The following CACNA1D variants were observed in gnomAD, a reference collection of about 807,000 sequenced individuals.
The protein encoded by CACNA1D is calcium voltage-gated channel subunit alpha1 D, also known as voltage-dependent L-type calcium channel subunit alpha-1D.
In CACNA1D, 55 loss-of-function variants were observed where a neutral mutation model predicts 257.1. The ratio of observed to expected loss-of-function variants is 0.21; its 90% CI spans 0.17 to 0.27. The LOEUF is 0.27. CACNA1D is among the 10% of genes least tolerant of loss of function. The pLI is 1.00. For synonymous variants in CACNA1D, 980 were observed against 1,014.9 expected (o/e 0.97, Z 0.65); for missense variants, 1,876 against 2,784.0 (o/e 0.67, Z 7.34).
At chr3:53,537,549 A>C (rs560173286) in intron 3 of CACNA1D, among the ~76,000 whole-genome samples, 216 of 132,430 alleles carry the variant, frequency 1.6e-3, no homozygotes, top group African/African-American at 7.0e-3. Flanking sequence ...CTAACACATG[A>C]GAAAAAAATA....
chr3:53,685,308 T>G (rs559649471), intron 8 of CACNA1D, among the ~76,000 whole-genome samples: 1 of 152,262 alleles, frequency 6.6e-6, no homozygotes, highest in African/African-American at 2.4e-5. Context: ...AAATACAGCT[T>G]GAGAGTACAT....
rs539345919 is a variant in CACNA1D at position 53,749,362 on chromosome 3, A to G, written c.3409A>G (p.Ile1137Val). The change falls in exon 27 of 48, where the codon ATC becomes GTC. Residue 1137 changes from isoleucine (I) to valine (V), a missense_variant. Coordinates refer to ENST00000350061, the MANE Select transcript of CACNA1D (RefSeq NM_001128840.3). ...EISIFFIIYI[I>V]IVAFFMMNIF... The stretch of plus-strand genomic sequence containing the variant: ...CTCCATCTTCTTCATCATCTACATC[A>G]TCATTGTAGCTTTCTTCATGATGAA... The G allele has an allele frequency of 1.4e-5, 23 of 1,611,166 alleles. 1 individual carries two copies. In the South Asian group the frequency reaches 2.3e-4, roughly 16 times the overall value.
At chr3:53,737,235 C>T (rs541949246) in intron 20 of CACNA1D, among the ~76,000 whole-genome samples, 3 of 152,074 alleles carry the variant, frequency 2.0e-5, no homozygotes, top group East Asian at 3.9e-4. Context: ...CGCACCACTG[C>T]ACTCCAGCCT....
rs1372492511 is a variant in CACNA1D, at chr3:53,809,020, C to T, written c.5871+250C>T. 3 of 530,330 alleles carry T rather than the reference C, an allele frequency of 5.7e-6. No individual in the cohort carries two copies. In the African/African-American group the frequency reaches 5.7e-5, roughly 10 times the overall value. 32.9% of individuals were successfully genotyped at this position (530,330 alleles called of 1,614,324 possible). A position where few individuals can be genotyped will look rare whatever the true frequency, so the allele number is the denominator to read the frequency against. On this transcript the variant is annotated intron_variant, in intron 46 of 47. Coordinates refer to ENST00000350061, the MANE Select transcript of CACNA1D (RefSeq NM_001128840.3). ...AGCTGCCAAAGCTGGCCTCACTGCC[C>T]AGGTGCCTCCCTGCGATCCCCACCA...
Position 53,494,676 on chromosome 3 carries a change from G to T in CACNA1D, c.-491G>T. Reference sequence around the variant, plus strand: ...CGGGCGGGCGAGCGCCTCCGTCCCCGGATGTGAGCTCCGGCTGCCCGCGGT... The same window carrying T: ...CGGGCGGGCGAGCGCCTCCGTCCCCTGATGTGAGCTCCGGCTGCCCGCGGT... On this transcript the variant is annotated 5_prime_UTR_variant, in exon 1 of 48. Transcript: ENST00000350061. The T allele has an allele frequency of 6.8e-6, 1 of 146,384 alleles. No homozygotes were observed. The highest frequency in any genetic ancestry group is 1.8e-4 in the South Asian group (1 of 5,484). 9.1% of individuals were successfully genotyped at this position (146,384 alleles called of 1,614,324 possible). A position where few individuals can be genotyped will look rare whatever the true frequency, so the allele number is the denominator to read the frequency against.
intron 34 of CACNA1D, among the ~76,000 whole-genome samples, chr3:53,775,651 G>A (rs1261696504): frequency 6.6e-6 from 1 of 152,124 alleles, no homozygotes; most frequent in Non-Finnish European, 1.5e-5. Context: ...CAGACAGTTA[G>A]CGCGCTTGCA....
intron 17 of CACNA1D, 75 bp downstream of exon 17, chr3:53,731,221 A>C: frequency 1.1e-6 from 1 of 934,706 alleles, no homozygotes; most frequent in Admixed American, 1.7e-5. Context: ...TACCATTTAC[A>C]CTGTGGAAGT....
Position 53,666,425 on chromosome 3 carries a change from G to A in CACNA1D, c.1006G>A (p.Gly336Ser). 6.2e-7 allele frequency: 1 copy of A among 1,614,204 alleles called. No individual in the cohort carries two copies. ...TGCCAATGGCACGGAATGTAGGAGT[G>A]GCTGGGTTGGCCCGAACGGAGGCAT... ...CTANGTECRS[G>S]WVGPNGGITN... The change falls in exon 7 of 48, where the codon GGC becomes AGC. Residue 336 changes from glycine to serine, a missense_variant. By Grantham distance (56) the Gly-to-Ser change is moderately conservative (BLOSUM62 0). This residue lies in a region of CACNA1D where 188 missense variants were observed against 390.4 expected (regional missense o/e 0.48). Coordinates refer to ENST00000350061, the MANE Select transcript of CACNA1D (RefSeq NM_001128840.3).
At chr3:53,754,209 A>C (rs1250787727) in intron 29 of CACNA1D, among the ~76,000 whole-genome samples, 1 of 152,204 alleles carries the variant, frequency 6.6e-6, no homozygotes, top group African/African-American at 2.4e-5. Flanking sequence ...AATTTAGAAA[A>C]ATTTCACTTG....
intron 4 of CACNA1D, 57 bp downstream of exon 4, chr3:53,650,975 G>A (rs192478951): frequency 3.2e-5 from 46 of 1,456,622 alleles, no homozygotes; most frequent in Non-Finnish European, 4.1e-5. Context: ...GTGGAGGTTG[G>A]GGGGGGTGGT....
At chr3:53,742,906 A>G in intron 21 of CACNA1D, 105 bp from the exon 22 acceptor site, 1 of 797,526 alleles carries the variant, frequency 1.3e-6, no homozygotes, top group Non-Finnish European at 2.3e-6. Flanking sequence ...TTCTTAATGC[A>G]CACTTGTTAA....
chr3:53,522,426 C>T lies in CACNA1D; in HGVS notation c.483+20706C>T, dbSNP rs978650797. On this transcript the variant is annotated intron_variant, in intron 3 of 47. Transcript: ENST00000350061. ...TCTGTGGGCCCTGCAGGCAGAGACA[C>T]TTCTTCTGCATAGTTTTTGGATGTG... Among the ~76,000 whole-genome samples the T allele has an allele frequency of 4.0e-5, 6 of 149,584 alleles. No homozygotes were observed. The East Asian group carries it at 9.7e-4, about 24-fold the overall frequency.
chr3:53,627,368 G>A (rs373179518), intron 3 of CACNA1D, among the ~76,000 whole-genome samples: 2 of 152,204 alleles, frequency 1.3e-5, no homozygotes, highest in African/African-American at 2.4e-5. Context: ...GTAGCATGGC[G>A]ACTGTCCTAG....
In CACNA1D at chr3:53,723,341, G is replaced by T; in HGVS notation, c.1667-93G>T. ...GAGACAAGGTATTGGCGTATTTCCTGTGGGGCCTGATAGGGAGGGAGGTGT... is the reference window on the plus strand; with the variant it reads ...GAGACAAGGTATTGGCGTATTTCCTTTGGGGCCTGATAGGGAGGGAGGTGT... On this transcript the variant is annotated intron_variant, in intron 12 of 47. Coordinates refer to ENST00000350061, the MANE Select transcript of CACNA1D (RefSeq NM_001128840.3). The surrounding 1 kb of genome is among the most constrained non-coding windows in gnomAD (Gnocchi z 5.6). 1.1e-6 allele frequency: 1 copy of T among 892,754 alleles called. No individual in the cohort carries two copies. Among genetic ancestry groups the T allele is most frequent in the Admixed American group, 1.7e-5 (1 of 58,406 alleles). 55.3% of individuals were successfully genotyped at this position (892,754 alleles called of 1,614,324 possible).
At chr3:53,536,049 T>C (rs567766188) in intron 3 of CACNA1D, among the ~76,000 whole-genome samples, 143 of 152,282 alleles carry the variant, frequency 9.4e-4, no homozygotes, top group African/African-American at 3.3e-3. Flanking sequence ...GGCTTGTTGG[T>C]TGGTTTCATT....
At chr3:53,696,943 G>GTAGT (rs200001229) in intron 8 of CACNA1D, among the ~76,000 whole-genome samples, 81,609 of 151,362 alleles carry the variant, frequency 0.54, 22,944 homozygotes, top group East Asian at 0.71. Context: ...TGGGTCTGCA[G>GTAGT]CGACCTGGAG....
intron 3 of CACNA1D, among the ~76,000 whole-genome samples, chr3:53,647,755 T>A (rs1258921157): frequency 6.6e-6 from 1 of 152,240 alleles, no homozygotes; most frequent in Non-Finnish European, 1.5e-5. Flanking sequence ...AGGATTCCTT[T>A]TTAGTGGCAG....
At chr3:53,804,529 GT>G (rs1265733520) in intron 44 of CACNA1D, among the ~76,000 whole-genome samples, 1 of 152,170 alleles carries the variant, frequency 6.6e-6, no homozygotes, top group African/African-American at 2.4e-5. Context: ...AACCGCATGA[GT>G]TCCTCTCTTC....
chr3:53,685,241 C>T (rs1435181238), intron 8 of CACNA1D, among the ~76,000 whole-genome samples: 2 of 152,122 alleles, frequency 1.3e-5, no homozygotes, highest in African/African-American at 4.8e-5. Context: ...ACATTTTATT[C>T]TCATAAAAAG....
Sources: gnomAD v4.1 joint callset for allele counts (sites outside exome capture counted in the v4.1 genomes callset) on GRCh38, gnomAD v4.1.1 for gene constraint, gnomAD v4.1.1 regional missense constraint, Gnocchi (gnomAD v3.1) non-coding constraint, MANE v1.5 for transcripts, NCBI Gene and HGNC (gene_info 2026-07-23, HGNC 2026-07-21) for gene names.